The following CSMD1 variants were observed in gnomAD, a reference collection of about 807,000 sequenced individuals.
CSMD1 encodes CUB and sushi domain-containing protein 1.
In CSMD1, 213 loss-of-function variants were observed where a neutral mutation model predicts 417.5. That is an observed-to-expected ratio of 0.51 (90% CI 0.46 to 0.57). The LOEUF is 0.57. Ranked by LOEUF, CSMD1 falls within the 20% of genes least tolerant of loss-of-function variation. The probability of loss-of-function intolerance (pLI) is 0.00; values close to 1 mark genes in which losing one functional copy is unlikely to be tolerated. For synonymous variants in CSMD1, 2,862 were observed against 1,736.8 expected, an observed-to-expected ratio of 1.65 and a Z score of -16.11; for missense variants, 6,923 against 4,529.7, an observed-to-expected ratio of 1.53 and a Z score of -15.17.
chr8:3,065,243 G>C (rs1812848507), intron 49 of CSMD1, among the ~76,000 whole-genome samples: 2 of 152,202 alleles, frequency 1.3e-5, no homozygotes, highest in Admixed American at 6.5e-5. Flanking sequence ...TAGATAGAAA[G>C]ATAGGAACAT....
At chr8:3,642,253 A>T (rs1477995827) in intron 7 of CSMD1, among the ~76,000 whole-genome samples, 1 of 152,008 alleles carries the variant, frequency 6.6e-6, no homozygotes, top group African/African-American at 2.4e-5. Context: ...AGTCACATAC[A>T]CTCTTAAGGA....
At chr8:4,289,541 C>G (rs1797245091) in intron 3 of CSMD1, among the ~76,000 whole-genome samples, 1 of 152,194 alleles carries the variant, frequency 6.6e-6, no homozygotes, top group South Asian at 2.1e-4. Flanking sequence ...ACTTTCAGAT[C>G]TGACACGTGT....
intron 12 of CSMD1, among the ~76,000 whole-genome samples, chr8:3,461,659 C>G (rs572291201): frequency 1.3e-5 from 2 of 152,318 alleles, no homozygotes; most frequent in East Asian, 1.9e-4. Context: ...TCCTCATGCC[C>G]AAGGCCTCAC....
intron 8 of CSMD1, among the ~76,000 whole-genome samples, chr8:3,613,702 AACACACACAC>A (rs61391436): frequency 2.2e-3 from 314 of 144,890 alleles, no homozygotes; most frequent in Non-Finnish European, 3.2e-3. Flanking sequence ...GTCAGATTAA[AACACACACAC>A]ACACACACAC....
chr8:3,659,440 C>T (rs1285365247), intron 7 of CSMD1, among the ~76,000 whole-genome samples: 1 of 152,178 alleles, frequency 6.6e-6, no homozygotes, highest in Non-Finnish European at 1.5e-5. Flanking sequence ...TTATCTGAGA[C>T]ACTACTTAGT....
At position 3,932,206 on chromosome 8, in the gene CSMD1, C is replaced by G. The variant is rs151335876; in HGVS notation, c.818+65697G>C. ...GACACTGTTTCATCGATACTTTGGT[C>G]CCATATCATGTTACTGAAAAGGGTC... On this transcript the variant is annotated intron_variant, in intron 5 of 69. Coordinates refer to ENST00000635120, the MANE Select transcript of CSMD1 (RefSeq NM_033225.6). Among the ~76,000 whole-genome samples, 238 of 150,320 alleles carry G rather than the reference C, an allele frequency of 1.6e-3. 11 individuals are homozygous for G. Among genetic ancestry groups the G allele is most frequent in the Middle Eastern group, 0.01 (3 of 294 alleles).
chr8:3,692,878 G>T (rs966206961), intron 7 of CSMD1, among the ~76,000 whole-genome samples: 1 of 152,082 alleles, frequency 6.6e-6, no homozygotes, highest in Non-Finnish European at 1.5e-5. Flanking sequence ...TATTCTAATG[G>T]TACTTTGATC....
intron 10 of CSMD1, among the ~76,000 whole-genome samples, chr8:3,572,652 A>T (rs964949062): frequency 2.6e-5 from 4 of 152,202 alleles, no homozygotes; most frequent in African/African-American, 9.7e-5. Flanking sequence ...TCTGCCTCTC[A>T]AATTGCAGAA....
intron 5 of CSMD1, among the ~76,000 whole-genome samples, chr8:3,848,803 A>G (rs1347038389): frequency 6.6e-6 from 1 of 152,064 alleles, no homozygotes. Flanking sequence ...AATGATTAGC[A>G]GCGATTTTAA....
At chr8:4,742,417 T>A (rs538119956) in intron 1 of CSMD1, among the ~76,000 whole-genome samples, 37 of 152,150 alleles carry the variant, frequency 2.4e-4, no homozygotes, top group Non-Finnish European at 7.3e-5. Flanking sequence ...AATGTCCTAC[T>A]CTGGTCATTT....
intron 23 of CSMD1, 148 bp from the exon 24 acceptor site, chr8:3,308,651 T>G: frequency 1.6e-6 from 1 of 625,760 alleles, no homozygotes; most frequent in East Asian, 2.8e-5. Context: ...AAAAGAAAGA[T>G]GGGTCTGTAC....
In CSMD1 at chr8:4,059,341, G is replaced by A. The variant is rs1798853775; in HGVS notation, c.416-27242C>T. 2.0e-5 allele frequency among the ~76,000 whole-genome samples: 3 copies of A among 151,104 alleles called. No homozygotes were observed. In the South Asian group the frequency reaches 6.3e-4, roughly 32 times the overall value. ...ACTAAATGTCCACAAGAGAAAGTAGGAAAGATCCAAAATGGACACCCTAAC... is the reference window on the plus strand; with the variant it reads ...ACTAAATGTCCACAAGAGAAAGTAGAAAAGATCCAAAATGGACACCCTAAC... On this transcript the variant is annotated intron_variant, in intron 3 of 69. Transcript: ENST00000635120.
At chr8:3,219,884 T>C (rs1798101597) in intron 28 of CSMD1, among the ~76,000 whole-genome samples, 1 of 152,176 alleles carries the variant, frequency 6.6e-6, no homozygotes, top group Non-Finnish European at 1.5e-5. Context: ...TTCAAAATAT[T>C]GGAATAGTCA....
intron 33 of CSMD1, among the ~76,000 whole-genome samples, chr8:3,194,119 T>C (rs1263300398): frequency 1.3e-5 from 2 of 152,180 alleles, no homozygotes; most frequent in Admixed American, 6.5e-5. Context: ...CATACATCAC[T>C]GAATTGCAAG....
chr8:2,943,795 T>C (rs779174740), intron 68 of CSMD1, among the ~76,000 whole-genome samples: 1 of 152,244 alleles, frequency 6.6e-6, no homozygotes, highest in Admixed American at 6.5e-5. Flanking sequence ...CAATGAATCA[T>C]GATTGGCGTC....
chr8:3,482,007 C>T (rs1327444747), intron 11 of CSMD1, among the ~76,000 whole-genome samples: 1 of 152,030 alleles, frequency 6.6e-6, no homozygotes, highest in Non-Finnish European at 1.5e-5. Flanking sequence ...TTGTAATGCC[C>T]AGAACAACCA....
chr8:3,123,575 T>C (rs893351331), intron 41 of CSMD1, among the ~76,000 whole-genome samples: 2 of 151,678 alleles, frequency 1.3e-5, no homozygotes, highest in African/African-American at 4.9e-5. Flanking sequence ...TGAGTCCTAC[T>C]GTACAGCAAA....
intron 3 of CSMD1, among the ~76,000 whole-genome samples, chr8:4,377,757 T>C (rs2128916771): frequency 6.6e-6 from 1 of 152,358 alleles, no homozygotes; most frequent in South Asian, 2.1e-4. Flanking sequence ...TATTAGGCTA[T>C]CAGGAAAAAA....
At chr8:4,397,166 G>A (rs1194725132) in intron 3 of CSMD1, among the ~76,000 whole-genome samples, 2 of 151,914 alleles carry the variant, frequency 1.3e-5, no homozygotes, top group Non-Finnish European at 2.9e-5. Flanking sequence ...CTACGTCCAT[G>A]CATGATGATC....
Sources: gnomAD v4.1 joint callset for allele counts (sites outside exome capture counted in the v4.1 genomes callset) on GRCh38, gnomAD v4.1.1 for gene constraint, MANE v1.5 for transcripts, NCBI Gene and HGNC (gene_info 2026-07-23, HGNC 2026-07-21) for gene names.